SLC2A9: variants seen among roughly 807,000 people sequenced by gnomAD.
SLC2A9 encodes the protein solute carrier family 2 member 9, also known as solute carrier family 2, facilitated glucose transporter member 9.
A neutral mutation model predicts 50.6 loss-of-function variants in SLC2A9; 39 were observed. The observed-to-expected ratio is 0.77, with a 90% CI of 0.60 to 1.01. SLC2A9 has a LOEUF of 1.01. Ranked by LOEUF, SLC2A9 falls within the 50% of genes least tolerant of loss-of-function variation. The pLI is 0.00. For missense variants in SLC2A9, 686 were observed against 677.6 expected (o/e 1.01, Z -0.14); for synonymous variants, 324 against 276.9 (o/e 1.17, Z -1.69).
At chr4:9,816,782 T>C (rs899904574) in intron 3 of SLC2A9, among the ~76,000 whole-genome samples, 1 of 152,048 alleles carries the variant, frequency 6.6e-6, no homozygotes, top group Non-Finnish European at 1.5e-5. Context: ...ATAAGTTTTC[T>C]GTAAGTGTGA....
At chr4:10,039,918 G>A (rs574570401) in intron 1 of SLC2A9, among the ~76,000 whole-genome samples, 4 of 152,340 alleles carry the variant, frequency 2.6e-5, no homozygotes, top group East Asian at 3.9e-4. Flanking sequence ...TGCAATGAGC[G>A]CCAGTTCCAG....
At chr4:9,967,022 A>G (rs1753154741) in intron 5 of SLC2A9, among the ~76,000 whole-genome samples, 1 of 150,638 alleles carries the variant, frequency 6.6e-6, no homozygotes, top group African/African-American at 2.5e-5. Flanking sequence ...TTTCAAAACT[A>G]TGTCAGAAAC....
chr4:10,004,387 T>C (rs899881206), intron 2 of SLC2A9, among the ~76,000 whole-genome samples: 3 of 152,108 alleles, frequency 2.0e-5, no homozygotes, highest in Non-Finnish European at 4.4e-5. Flanking sequence ...GGTGGGGCCA[T>C]ATGACTACTT....
Position 9,853,317 on chromosome 4 carries a change from C to T in SLC2A9, c.1292-18309G>A, listed in dbSNP as rs185469792. Among the ~76,000 whole-genome samples, 22 of 133,332 alleles carry T rather than the reference C, an allele frequency of 1.7e-4. No homozygotes were observed. The East Asian group carries it at 3.2e-3, about 19-fold the overall frequency. The allele number at this position is 133,332 out of a possible 152,430, so 87.5% of individuals were successfully genotyped here. ...AAAGGATAGAGAAAAATTTACCAAG[C>T]GAATGGAAAACAGAAAAAAATCAGG... On this transcript the variant is annotated intron_variant, in intron 10 of 11. Coordinates refer to ENST00000264784, the MANE Select transcript of SLC2A9 (RefSeq NM_020041.3).
chr4:10,034,042 A>G (rs922735839), intron 1 of SLC2A9, among the ~76,000 whole-genome samples: 11 of 152,136 alleles, frequency 7.2e-5, no homozygotes, highest in African/African-American at 2.7e-4. Flanking sequence ...GCACCCACCA[A>G]TCTTCCCTGA....
intron 2 of SLC2A9, among the ~76,000 whole-genome samples, chr4:10,013,126 G>C (rs1224240766): frequency 6.6e-6 from 1 of 152,182 alleles, no homozygotes; most frequent in African/African-American, 2.4e-5. Context: ...ATTTTCAACA[G>C]CTAAGGACAA....
chr4:9,781,869 G>A, intron 3 of SLC2A9: 1 of 567,340 alleles, frequency 1.8e-6, no homozygotes, highest in Non-Finnish European at 2.8e-6. Flanking sequence ...AGAAGTCCCC[G>A]CGCGCTCCGC....
At chr4:9,966,549 G>A (rs183007018) in intron 5 of SLC2A9, among the ~76,000 whole-genome samples, 6 of 152,188 alleles carry the variant, frequency 3.9e-5, no homozygotes, top group East Asian at 1.9e-4. Context: ...CCAGCTACTC[G>A]AGCGGCTGAG....
At chr4:9,884,253 G>A (rs1735759822) in intron 10 of SLC2A9, among the ~76,000 whole-genome samples, 1 of 152,184 alleles carries the variant, frequency 6.6e-6, no homozygotes, top group Admixed American at 6.5e-5. Context: ...CTGCTCAGGA[G>A]CATGTTACTT....
At chr4:9,869,725 A>G (rs1733099297) in intron 10 of SLC2A9, among the ~76,000 whole-genome samples, 1 of 152,252 alleles carries the variant, frequency 6.6e-6, no homozygotes, top group South Asian at 2.1e-4. Flanking sequence ...GCAGACAGTA[A>G]GTAGGTGTCC....
intron 1 of SLC2A9, 32 bp from the exon 2 acceptor site, chr4:10,019,105 C>T (rs370591066): frequency 4.5e-6 from 7 of 1,539,544 alleles, no homozygotes; most frequent in Non-Finnish European, 6.2e-6. Flanking sequence ...TCAGAGCCGG[C>T]ACCGGGCGCG....
intron 10 of SLC2A9, among the ~76,000 whole-genome samples, chr4:9,843,973 A>G (rs16889496): frequency 0.17 from 25,539 of 151,934 alleles, 3,086 homozygotes; most frequent in African/African-American, 0.34. Context: ...TAGCACATGC[A>G]CTGTGGAAAA....
chr4:9,839,226 T>C (rs1184485760), intron 10 of SLC2A9, among the ~76,000 whole-genome samples: 2 of 152,098 alleles, frequency 1.3e-5, no homozygotes, highest in African/African-American at 4.8e-5. Context: ...AAAAATCATA[T>C]GAAGAAAAGC....
At chr4:9,856,101 A>C (rs1239411538) in intron 10 of SLC2A9, among the ~76,000 whole-genome samples, 4 of 152,224 alleles carry the variant, frequency 2.6e-5, no homozygotes, top group Non-Finnish European at 5.9e-5. Context: ...AACAAAAACA[A>C]AAATTGACTA....
upstream of SLC2A9, among the ~76,000 whole-genome samples, chr4:10,023,836 C>A (rs1429198244): frequency 6.6e-6 from 1 of 152,228 alleles, no homozygotes; most frequent in East Asian, 1.9e-4. Flanking sequence ...CATGGAGGAG[C>A]CTGCCTCCAA....
intron 5 of SLC2A9, among the ~76,000 whole-genome samples, chr4:9,971,506 C>A (rs771911078): frequency 1.9e-4 from 29 of 152,178 alleles, no homozygotes; most frequent in Admixed American, 6.5e-4. Context: ...ACCACTCTCT[C>A]CAAACCCCTC....
downstream of SLC2A9, among the ~76,000 whole-genome samples, chr4:9,779,646 C>A (rs771932528): frequency 6.6e-6 from 1 of 151,960 alleles, no homozygotes; most frequent in African/African-American, 2.4e-5. Context: ...AATCTCCTGA[C>A]CTCACGATCC....
intron 10 of SLC2A9, among the ~76,000 whole-genome samples, chr4:9,887,245 CTG>C (rs1736437222): frequency 6.6e-6 from 1 of 152,266 alleles, no homozygotes; most frequent in Admixed American, 6.5e-5. Flanking sequence ...TAGGCACAGA[CTG>C]TGACTTGGTT....
chr4:9,917,835 G>C (rs1229716617), intron 7 of SLC2A9, among the ~76,000 whole-genome samples: 1 of 152,170 alleles, frequency 6.6e-6, no homozygotes, highest in East Asian at 1.9e-4. Context: ...CTAATGGGAA[G>C]AGGCCAGGGA....
Sources: gnomAD v4.1 joint callset for allele counts (sites outside exome capture counted in the v4.1 genomes callset) on GRCh38, gnomAD v4.1.1 for gene constraint, MANE v1.5 for transcripts, NCBI Gene and HGNC (gene_info 2026-07-23, HGNC 2026-07-21) for gene names.